Variants in CYFIP2 observed in about 807,000 individuals in gnomAD.
CYFIP2 encodes the protein cytoplasmic FMR1 interacting protein 2, also known as cytoplasmic FMR1-interacting protein 2.
Under a neutral mutation model 158.7 loss-of-function variants are expected in CYFIP2, and 29 were observed. The observed-to-expected ratio is 0.18, with a 90% CI of 0.14 to 0.25. The LOEUF is 0.25. Among genes scored for constraint, CYFIP2 ranks in the 10% least tolerant of loss-of-function variants. CYFIP2 has a pLI of 1.00. For missense variants in CYFIP2, 852 were observed against 1,639.5 expected (o/e 0.52, Z 8.29); for synonymous variants, 585 against 617.6 (o/e 0.95, Z 0.78).
At chr5:157,323,126 A>G (rs896004758) in intron 15 of CYFIP2, 1 of 1,041,418 alleles carries the variant, frequency 9.6e-7, no homozygotes, top group Non-Finnish European at 1.4e-6. Flanking sequence ...TCACAGACAA[A>G]TGATGTGGAG....
At chr5:157,295,822 C>T (rs1009320701) in intron 4 of CYFIP2, among the ~76,000 whole-genome samples, 4 of 152,184 alleles carry the variant, frequency 2.6e-5, no homozygotes, top group Non-Finnish European at 4.4e-5. Context: ...TACCTTGGCT[C>T]GCTCTTCAGA....
Position 157,304,345 on chromosome 5 carries a change from T to C in CYFIP2, c.774T>C (p.Ser258=). The C allele has an allele frequency of 6.2e-7, 1 of 1,613,814 alleles. No individual in the cohort carries two copies. Among genetic ancestry groups the C allele is most frequent in the Non-Finnish European group, 8.5e-7 (1 of 1,179,788 alleles). Residue 258 remains serine (S), a synonymous_variant, in exon 8 of 31, where the codon AGT becomes AGC. Coordinates refer to ENST00000620254, the MANE Select transcript of CYFIP2 (RefSeq NM_001037333.3). ...AGAACAAGATGTACCTGACTCCCAG[T>C]GAGAAACATATGCTCCTCAAGGTAA... ...YYENKMYLTP[S]EKHMLLKVMG... is the part of the protein sequence containing the mutation.
intron 24 of CYFIP2, 54 bp from the exon 25 acceptor site, chr5:157,360,228 A>C: frequency 1.1e-3 from 1,607 of 1,488,260 alleles, no homozygotes; most frequent in Non-Finnish European, 1.4e-3. Context: ...CATAACCTCC[A>C]TACCCCGCAT....
intron 16 of CYFIP2, among the ~76,000 whole-genome samples, chr5:157,324,448 G>A (rs1415048815): frequency 6.6e-6 from 1 of 152,202 alleles, no homozygotes. Flanking sequence ...GGAGGCTCTC[G>A]AGCTGCATCC....
chr5:157,288,360 G>T (rs1757556830), intron 3 of CYFIP2, among the ~76,000 whole-genome samples: 1 of 152,132 alleles, frequency 6.6e-6, no homozygotes, highest in Admixed American at 6.5e-5. Flanking sequence ...TGTTGCACTG[G>T]AGATTTAAGT....
intron 3 of CYFIP2, among the ~76,000 whole-genome samples, chr5:157,293,912 G>A (rs1177065207): frequency 2.0e-5 from 3 of 152,236 alleles, no homozygotes; most frequent in East Asian, 1.9e-4. Context: ...ATGGAGTGTG[G>A]AAAACAGGCC....
chr5:157,339,121 T>C lies in CYFIP2; in HGVS notation c.2450T>C (p.Leu817Pro), dbSNP rs1581094733. ...CGGCTGCTCTGTAAGCATATGACGC[T>C]GGACAGCTTCGATGCCATGTTCCGA... is the stretch of plus-strand genomic sequence containing the variant. The part of the protein sequence containing the change: ...THRLLCKHMT[L>P]DSFDAMFREA... The change falls in exon 22 of 31, where the codon CTG becomes CCG. Residue 817 changes from leucine (L) to proline (P), a missense_variant. This residue lies in a region of CYFIP2 where 191 missense variants were observed against 311.2 expected (regional missense o/e 0.61). Transcript: ENST00000620254. 6.2e-7 allele frequency: 1 copy of C among 1,614,034 alleles called. No homozygotes were observed. Among genetic ancestry groups the C allele is most frequent in the Non-Finnish European group, 8.5e-7 (1 of 1,179,892 alleles).
At chr5:157,316,573 A>G (rs1760166643) in intron 13 of CYFIP2, among the ~76,000 whole-genome samples, 1 of 152,204 alleles carries the variant, frequency 6.6e-6, no homozygotes, top group Non-Finnish European at 1.5e-5. Flanking sequence ...ACTCCTTTAC[A>G]CTAGGTTGTG....
chr5:157,310,887 T>G, intron 10 of CYFIP2: 1 of 418,738 alleles, frequency 2.4e-6, no homozygotes, highest in East Asian at 7.1e-5. Context: ...TCATGCTTCA[T>G]CTGTCTGCTG....
At position 157,309,872 on chromosome 5, in the gene CYFIP2, G is replaced by A. The variant is rs948838872; in HGVS notation, c.992+38G>A. 1.9e-6 allele frequency: 3 copies of A among 1,551,492 alleles called. No homozygotes were observed. In the Admixed American group the frequency reaches 5.8e-5, roughly 30 times the overall value. ...CGTAATGTCTCTCGGCTCCCGCAAG[G>A]ATGCCCAGCCCGGGCAGAGAGCCGA... On this transcript the variant is annotated intron_variant, in intron 10 of 30. Transcript: ENST00000620254.
intron 3 of CYFIP2, among the ~76,000 whole-genome samples, chr5:157,290,376 G>C (rs1310411081): frequency 2.0e-5 from 3 of 152,164 alleles, no homozygotes; most frequent in African/African-American, 7.2e-5. Context: ...GTGGCCCCCA[G>C]CCAGCAGTGA....
chr5:157,337,522 C>A (rs1761946643), intron 21 of CYFIP2, among the ~76,000 whole-genome samples: 1 of 152,210 alleles, frequency 6.6e-6, no homozygotes, highest in African/African-American at 2.4e-5. Context: ...TGTGTGTTTG[C>A]AAGCCTTCAA....
intron 26 of CYFIP2, among the ~76,000 whole-genome samples, chr5:157,370,192 T>A (rs192405846): frequency 2.0e-4 from 31 of 152,284 alleles, no homozygotes; most frequent in Admixed American, 1.8e-3. Flanking sequence ...CCCAGATGTT[T>A]TAAAAGCTCC....
chr5:157,319,248 G>A (rs1760397093), intron 13 of CYFIP2, among the ~76,000 whole-genome samples: 2 of 152,176 alleles, frequency 1.3e-5, no homozygotes, highest in Admixed American at 1.3e-4. Flanking sequence ...CATGACTTCT[G>A]CAGGAGAAGT....
intron 1 of CYFIP2, among the ~76,000 whole-genome samples, chr5:157,274,229 A>G (rs1030214026): frequency 6.6e-6 from 1 of 152,084 alleles, no homozygotes; most frequent in Admixed American, 6.6e-5. Flanking sequence ...TAGCACCCCA[A>G]AAAGAAATCT....
At position 157,346,989 on chromosome 5, in the gene CYFIP2, A is replaced by G. The variant is rs376213080; in HGVS notation, c.2673+5832A>G. ...TGTAAGAACCCATTGCCACCATTCT[A>G]TTGAGATCACAGGGTGTGTCTGGAA... On this transcript the variant is annotated intron_variant, in intron 23 of 30. Coordinates refer to ENST00000620254, the MANE Select transcript of CYFIP2 (RefSeq NM_001037333.3). Among the ~76,000 whole-genome samples, 80 of 152,258 alleles carry G rather than the reference A, an allele frequency of 5.3e-4. 1 individual carries two copies. In the South Asian group the frequency reaches 0.016, roughly 31 times the overall value.
At chr5:157,275,812 CTTT>C (rs1427014267) in intron 1 of CYFIP2, among the ~76,000 whole-genome samples, 3 of 152,224 alleles carry the variant, frequency 2.0e-5, no homozygotes, top group Admixed American at 1.3e-4. Context: ...TTATTTAGGT[CTTT>C]AATATTTTCA....
chr5:157,320,929 C>A, intron 15 of CYFIP2, 127 bp downstream of exon 15: 1 of 1,154,846 alleles, frequency 8.7e-7, no homozygotes, highest in Non-Finnish European at 1.2e-6. Flanking sequence ...GGTTGAGTGG[C>A]TGCTCCGGTC....
intron 23 of CYFIP2, among the ~76,000 whole-genome samples, chr5:157,352,139 G>A (rs1312465147): frequency 6.6e-6 from 1 of 152,164 alleles, no homozygotes; most frequent in Non-Finnish European, 1.5e-5. Context: ...GACATAGATT[G>A]CGGCATAAAG....
Sources: allele counts gnomAD v4.1 joint callset (sites outside exome capture counted in the v4.1 genomes callset), GRCh38; gene constraint gnomAD v4.1.1; regional missense constraint gnomAD v4.1.1; transcripts MANE v1.5; gene names NCBI Gene and HGNC (gene_info 2026-07-23, HGNC 2026-07-21).